Variants in LRRC15 observed in about 807,000 individuals in gnomAD.
LRRC15 encodes the protein leucine-rich repeat-containing protein 15.
In LRRC15, 5 loss-of-function variants were observed where a neutral mutation model predicts 4.3. That is an observed-to-expected ratio of 1.16 (90% CI 0.61 to 2.44). LRRC15 has a LOEUF of 2.44. LRRC15 is among the 30% of genes most tolerant of loss of function. LRRC15 has a pLI of 0.01. For missense variants in LRRC15, 769 were observed against 747.0 expected, an observed-to-expected ratio of 1.03 and a Z score of -0.34; for synonymous variants, 337 against 323.2, an observed-to-expected ratio of 1.04 and a Z score of -0.46.
Position 194,359,883 on chromosome 3 carries a change from G to T in LRRC15, c.1161C>A (p.Asn387Lys). The change falls in exon 2 of 2, where the codon AAC becomes AAA. Residue 387 changes from asparagine to lysine, a missense_variant. Asn to Lys is a moderately conservative substitution (Grantham distance 94). Coordinates refer to ENST00000347624, the MANE Select transcript of LRRC15 (RefSeq NM_130830.5). ...LRQLPGNIFA[N>K]VNGLMAIQLQ... ...GCTGGATGGCCATGAGGCCATTGAC[G>T]TTGGCGAAGATATTCCCTGGGAGCT... is the stretch of plus-strand genomic sequence containing the variant. The T allele has an allele frequency of 2.5e-6, 4 of 1,614,128 alleles. No individual in the cohort carries two copies. Among genetic ancestry groups the T allele is most frequent in the Non-Finnish European group, 3.4e-6 (4 of 1,180,008 alleles).
At chr3:194,369,524 T>TC (rs11369087) in intron 1 of LRRC15, 137 bp downstream of exon 1, 117,701 of 152,226 alleles carry the variant, frequency 0.77, 45,767 homozygotes, top group East Asian at 0.96. Context: ...TCTGTCCCTG[T>TC]CCCGAGAGCA....
chr3:194,363,371 C>T (rs1290583891), intron 1 of LRRC15: 3 of 714,522 alleles, frequency 4.2e-6, no homozygotes, highest in Non-Finnish European at 7.8e-6. Context: ...CCAAAGGCAT[C>T]TAGATGCAAA....
rs962543628 is a variant in LRRC15 at position 194,357,427 on chromosome 3, A to G, written c.*1871T>C. ...TGGATTTCCAGATCCCCGTGGAGTC[A>G]GCTGAAGTTCTTTCCTGGGCAGACG... On this transcript the variant is annotated 3_prime_UTR_variant, in exon 2 of 2. Coordinates refer to ENST00000347624, the MANE Select transcript of LRRC15 (RefSeq NM_130830.5). 3.9e-5 allele frequency: 6 copies of G among 152,346 alleles called. No homozygotes were observed. Among genetic ancestry groups the G allele is most frequent in the South Asian group, 2.1e-4 (1 of 4,828 alleles). The allele number at this position is 152,346 out of a possible 1,614,324, so 9.4% of individuals were successfully genotyped here.
rs1713467679 is a variant in LRRC15, at chr3:194,357,525, C to T, written c.*1773G>A. The T allele has an allele frequency of 6.6e-6, 1 of 152,158 alleles. No individual in the cohort carries two copies. Among genetic ancestry groups the T allele is most frequent in the African/African-American group, 2.4e-5 (1 of 41,434 alleles). 9.4% of individuals were successfully genotyped at this position (152,158 alleles called of 1,614,324 possible). A position where few individuals can be genotyped will look rare whatever the true frequency, so the allele number is the denominator to read the frequency against. On this transcript the variant is annotated 3_prime_UTR_variant, in exon 2 of 2. Coordinates refer to ENST00000347624, the MANE Select transcript of LRRC15 (RefSeq NM_130830.5). ...AGAGAAAGACACACGTTGCCATGAGCCTAACTTCTTGAGCGCCATGTGAAT... is the reference window on the plus strand; with the variant it reads ...AGAGAAAGACACACGTTGCCATGAGTCTAACTTCTTGAGCGCCATGTGAAT...
Position 194,361,024 on chromosome 3 carries a change from A to T in LRRC15, c.20T>A (p.Leu7His), listed in dbSNP as rs149554510. 2.8e-4 allele frequency: 420 copies of T among 1,515,902 alleles called. 6 individuals are homozygous for T. In the East Asian group the frequency reaches 6.7e-3, roughly 24 times the overall value. The allele number at this position is 1,515,902 out of a possible 1,614,324, so 93.9% of individuals were successfully genotyped here. Residue 7 changes from leucine (L) to histidine (H), a missense_variant, in exon 2 of 2, where the codon CTC (leucine) becomes CAC (histidine). By Grantham distance (99) the Leu-to-His change is moderately conservative. Transcript: ENST00000347624. ...GGCTTGGCAGCCCACCAGCAAAAGG[A>T]GATAATGCTTCAGTGGCATAGCCTG... MPLKHYLLLLVGCQAWG... is the reference protein window; with the variant it reads MPLKHYHLLLVGCQAWG...
At chr3:194,369,482 G>A (rs934733495) in intron 1 of LRRC15, among the ~76,000 whole-genome samples, 179 bp downstream of exon 1, 1 of 151,792 alleles carries the variant, frequency 6.6e-6, no homozygotes, top group African/African-American at 2.4e-5. Context: ...CAGTGAGGGA[G>A]ACAGGCTTGC....
intron 1 of LRRC15, among the ~76,000 whole-genome samples, chr3:194,368,213 T>C (rs1026766685): frequency 1.3e-5 from 2 of 152,158 alleles, no homozygotes; most frequent in African/African-American, 4.8e-5. Context: ...GGGCAGCAAA[T>C]TGCCATGTGT....
chr3:194,363,702 T>C (rs1028131702), intron 1 of LRRC15, among the ~76,000 whole-genome samples: 3 of 152,164 alleles, frequency 2.0e-5, no homozygotes, highest in African/African-American at 7.2e-5. Flanking sequence ...TCAGTTCCAC[T>C]CTGAACTTCA....
intron 1 of LRRC15, among the ~76,000 whole-genome samples, chr3:194,366,987 G>C (rs1249842011): frequency 6.6e-6 from 1 of 152,240 alleles, no homozygotes; most frequent in African/African-American, 2.4e-5. Context: ...TGGGATTGGG[G>C]AGGAGGTGGA....
Position 194,358,799 on chromosome 3 carries a change from T to C in LRRC15, c.*499A>G, listed in dbSNP as rs543322108. ...AGGAGCAGAAAATCAAGGGGAGAAC[T>C]TTCATTTGAGGGGACATGCTGGGTC... On this transcript the variant is annotated 3_prime_UTR_variant, in exon 2 of 2. Coordinates refer to ENST00000347624, the MANE Select transcript of LRRC15 (RefSeq NM_130830.5). 6.5e-6 allele frequency: 1 copy of C among 154,082 alleles called. No individual in the cohort carries two copies. The highest frequency in any genetic ancestry group is 2.0e-4 in the South Asian group (1 of 4,886). 9.5% of individuals were successfully genotyped at this position (154,082 alleles called of 1,614,324 possible).
intron 1 of LRRC15, among the ~76,000 whole-genome samples, chr3:194,363,835 A>G (rs1249141397): frequency 6.6e-6 from 1 of 152,210 alleles, no homozygotes; most frequent in African/African-American, 2.4e-5. Flanking sequence ...TGGTGAGAAA[A>G]AAATTAAATT....
At position 194,359,120 on chromosome 3, in the gene LRRC15, C is replaced by T. The variant is rs1054790378; in HGVS notation, c.*178G>A. The stretch of plus-strand genomic sequence containing the variant: ...TCTTCCTGATTGTAGGAAGGTCCGG[C>T]ACGACCTGCTTCTCTACGGGAGAAT... On this transcript the variant is annotated 3_prime_UTR_variant, in exon 2 of 2. Transcript: ENST00000347624. 3.4e-6 allele frequency: 2 copies of T among 583,094 alleles called. No individual in the cohort carries two copies. The highest frequency in any genetic ancestry group is 5.8e-6 in the Non-Finnish European group (2 of 342,818). The allele number at this position is 583,094 out of a possible 1,614,324, so 36.1% of individuals were successfully genotyped here. A position where few individuals can be genotyped will look rare whatever the true frequency, so the allele number is the denominator to read the frequency against.
At chr3:194,361,338 C>G (rs1177219438) in intron 1 of LRRC15, among the ~76,000 whole-genome samples, 2 of 152,236 alleles carry the variant, frequency 1.3e-5, no homozygotes, top group African/African-American at 4.8e-5. Flanking sequence ...TAGGACACTT[C>G]CCAGATTCCA....
At position 194,360,731 on chromosome 3, in the gene LRRC15, A is replaced by G. The variant is rs1387041400; in HGVS notation, c.313T>C (p.Tyr105His). The G allele has an allele frequency of 2.5e-6, 4 of 1,614,216 alleles. No individual in the cohort carries two copies. Among genetic ancestry groups the G allele is most frequent in the African/African-American group, 1.3e-5 (1 of 75,052 alleles). ...GAFRNLGSLR[Y>H]LSLANNKLQV... ...AGCTTGTTGTTGGCGAGGCTGAGAT[A>G]GCGCAGCGAGCCCAGGTTTCGGAAG... The change falls in exon 2 of 2, where the codon TAT (tyrosine) becomes CAT (histidine). Residue 105 changes from tyrosine to histidine, a missense_variant. Physicochemically the swap from Tyr to His is moderately conservative, Grantham distance 83. Transcript: ENST00000347624.
intron 1 of LRRC15, among the ~76,000 whole-genome samples, chr3:194,363,060 G>T (rs1311054282): frequency 6.6e-6 from 1 of 150,644 alleles, no homozygotes. Context: ...TCCTGCCTCA[G>T]CCTCCCGAGT....
intron 1 of LRRC15, among the ~76,000 whole-genome samples, chr3:194,364,912 A>T (rs954227155): frequency 6.6e-6 from 1 of 152,150 alleles, no homozygotes; most frequent in African/African-American, 2.4e-5. Context: ...CAGGGGAGGG[A>T]GGGGCCACAG....
Position 194,360,193 on chromosome 3 carries a change from A to G in LRRC15, c.851T>C (p.Leu284Pro). ...LTLFGNSLKELSPGIFGPMPN... is the reference protein window; with the variant it reads ...LTLFGNSLKEPSPGIFGPMPN... Reference sequence around the variant, plus strand: ...CATGGGCCCGAAGATCCCCGGAGAGAGCTCCTTCAGGGAATTCCCAAAGAG... The same window carrying G: ...CATGGGCCCGAAGATCCCCGGAGAGGGCTCCTTCAGGGAATTCCCAAAGAG... The change falls in exon 2 of 2, where the codon CTC becomes CCC. Residue 284 changes from leucine (L) to proline (P), a missense_variant. Transcript: ENST00000347624. 6.2e-7 allele frequency: 1 copy of G among 1,613,808 alleles called. No homozygotes were observed. Among genetic ancestry groups the G allele is most frequent in the Non-Finnish European group, 8.5e-7 (1 of 1,179,754 alleles).
Position 194,359,662 on chromosome 3 carries a change from C to A in LRRC15, c.1382G>T (p.Gly461Val). The A allele has an allele frequency of 1.9e-6, 3 of 1,614,148 alleles. No individual in the cohort carries two copies. The highest frequency in any genetic ancestry group is 1.3e-5 in the African/African-American group (1 of 75,050). The change falls in exon 2 of 2, where the codon GGC (glycine) becomes GTC (valine). Residue 461 changes from glycine (G) to valine (V), a missense_variant. By Grantham distance (109) the Gly-to-Val change is moderately radical. Transcript: ENST00000347624. ...PVCFSPANVR[G>V]QSLIIINVNV... The stretch of plus-strand genomic sequence containing the variant: ...GACATTGATGATAATGAGGGACTGG[C>A]CTCGGACATTGGCTGGGCTGAAACA...
intron 1 of LRRC15, among the ~76,000 whole-genome samples, chr3:194,361,755 C>T (rs545367681): frequency 2.6e-5 from 4 of 152,334 alleles, no homozygotes; most frequent in East Asian, 1.9e-4. Flanking sequence ...TCCTCACCCT[C>T]GCCTGGGCCT....
Sources: allele counts gnomAD v4.1 joint callset (sites outside exome capture counted in the v4.1 genomes callset), GRCh38; gene constraint gnomAD v4.1.1; transcripts MANE v1.5; gene names NCBI Gene and HGNC (gene_info 2026-07-23, HGNC 2026-07-21).